Variants in CSMD1 observed in about 807,000 individuals in gnomAD.
CSMD1 encodes CUB and Sushi multiple domains 1.
In CSMD1, 213 loss-of-function variants were observed where a neutral mutation model predicts 417.5. The ratio of observed to expected loss-of-function variants is 0.51; its 90% CI spans 0.46 to 0.57. CSMD1 has a LOEUF of 0.57. CSMD1 is among the 20% of genes least tolerant of loss of function. CSMD1 has a pLI of 0.00. For synonymous variants in CSMD1, 2,862 were observed against 1,736.8 expected, an observed-to-expected ratio of 1.65 and a Z score of -16.11; for missense variants, 6,923 against 4,529.7, an observed-to-expected ratio of 1.53 and a Z score of -15.17.
chr8:3,192,630 G>T (rs10100172), intron 33 of CSMD1, among the ~76,000 whole-genome samples: 47,154 of 152,030 alleles, frequency 0.31, 7,767 homozygotes, highest in Non-Finnish European at 0.39. Context: ...GAGAAGTCCT[G>T]GTGGGCAGCC....
intron 20 of CSMD1, among the ~76,000 whole-genome samples, chr8:3,361,463 C>G (rs1809164037): frequency 6.6e-6 from 1 of 151,470 alleles, no homozygotes; most frequent in Non-Finnish European, 1.5e-5. Flanking sequence ...CCTGTCTTTA[C>G]TAAAAATAAA....
At chr8:4,577,950 A>C (rs545027766) in intron 2 of CSMD1, among the ~76,000 whole-genome samples, 17 of 152,344 alleles carry the variant, frequency 1.1e-4, no homozygotes, top group African/African-American at 4.1e-4. Context: ...ATGGCCAGAG[A>C]AAAATGACAT....
chr8:4,586,498 CTTCTGGATGAGCCACAGCT>C (rs1799706588), intron 2 of CSMD1, among the ~76,000 whole-genome samples: 1 of 152,168 alleles, frequency 6.6e-6, no homozygotes, highest in African/African-American at 2.4e-5. Context: ...CACCTAGTTC[CTTCTGGATGAGCCACAGCT>C]TGGCAATTTT....
intron 4 of CSMD1, among the ~76,000 whole-genome samples, chr8:4,029,862 G>C (rs377134312): frequency 6.6e-6 from 1 of 151,750 alleles, no homozygotes; most frequent in East Asian, 1.9e-4. Flanking sequence ...ACAAGAATTG[G>C]GTAAATACAG....
intron 1 of CSMD1, among the ~76,000 whole-genome samples, chr8:4,834,664 G>C (rs1464137972): frequency 6.6e-6 from 1 of 151,176 alleles, no homozygotes; most frequent in African/African-American, 2.4e-5. Context: ...TGAATTAAAA[G>C]GAAAAAAAAA....
chr8:4,279,139 T>C (rs998915453), intron 3 of CSMD1, among the ~76,000 whole-genome samples: 2 of 152,214 alleles, frequency 1.3e-5, no homozygotes, highest in Admixed American at 1.3e-4. Context: ...CATCTCCGTT[T>C]AGACGTGCAA....
intron 3 of CSMD1, among the ~76,000 whole-genome samples, chr8:4,313,790 C>A (rs141846401): frequency 7.6e-4 from 115 of 151,954 alleles, no homozygotes; most frequent in African/African-American, 2.5e-3. Context: ...CCAAGGCAGG[C>A]GGATCAAAAG....
At chr8:4,112,201 A>G (rs1350263205) in intron 3 of CSMD1, among the ~76,000 whole-genome samples, 2 of 152,094 alleles carry the variant, frequency 1.3e-5, no homozygotes, top group Admixed American at 1.3e-4. Flanking sequence ...ATTATCAAGA[A>G]CCAGTAACAC....
chr8:4,462,575 T>A (rs1799901488), intron 2 of CSMD1, among the ~76,000 whole-genome samples: 1 of 152,206 alleles, frequency 6.6e-6, no homozygotes, highest in East Asian at 1.9e-4. Flanking sequence ...TATTCATACC[T>A]ACCTGATTCA....
chr8:3,751,771 T>G (rs898594167), intron 6 of CSMD1, among the ~76,000 whole-genome samples: 4 of 152,152 alleles, frequency 2.6e-5, no homozygotes, highest in African/African-American at 9.6e-5. Context: ...TTTCTTTCAA[T>G]TACAGATACA....
At chr8:3,138,536 C>T (rs931236092) in intron 41 of CSMD1, among the ~76,000 whole-genome samples, 4 of 152,228 alleles carry the variant, frequency 2.6e-5, no homozygotes, top group Non-Finnish European at 4.4e-5. Context: ...CAAGAAGAAG[C>T]ACATCAGAAT....
intron 2 of CSMD1, among the ~76,000 whole-genome samples, chr8:4,422,449 G>A (rs948308681): frequency 1.3e-5 from 2 of 152,036 alleles, no homozygotes; most frequent in South Asian, 2.1e-4. Context: ...GATCCCATAG[G>A]GTAAGCATAC....
rs565444694 is a variant in CSMD1, at chr8:3,041,441, C to T, written c.7660+11021G>A. Among the ~76,000 whole-genome samples, 51 of 152,176 alleles carry T rather than the reference C, an allele frequency of 3.4e-4. 1 individual carries two copies. Among genetic ancestry groups the T allele is most frequent in the South Asian group, 2.7e-3 (13 of 4,822 alleles). On this transcript the variant is annotated intron_variant, in intron 50 of 69. Coordinates refer to ENST00000635120, the MANE Select transcript of CSMD1 (RefSeq NM_033225.6). Reference sequence around the variant, plus strand: ...AAGGCGCTAACATGAAAATACACACCTTGAAAACCTTTTTCTAGCAACATT... The same window carrying T: ...AAGGCGCTAACATGAAAATACACACTTTGAAAACCTTTTTCTAGCAACATT...
At chr8:3,479,896 G>C (rs377085674) in intron 11 of CSMD1, among the ~76,000 whole-genome samples, 1 of 152,024 alleles carries the variant, frequency 6.6e-6, no homozygotes, top group Admixed American at 6.5e-5. Flanking sequence ...AAAGAAATAA[G>C]TTATAAAAAT....
At chr8:3,986,152 C>T (rs773791469) in intron 5 of CSMD1, among the ~76,000 whole-genome samples, 33 of 152,030 alleles carry the variant, frequency 2.2e-4, no homozygotes, top group Non-Finnish European at 4.1e-4. Flanking sequence ...GAAGGCATCA[C>T]CTTAAAGTCT....
intron 54 of CSMD1, among the ~76,000 whole-genome samples, chr8:2,989,373 G>A (rs1806188149): frequency 6.6e-6 from 1 of 152,124 alleles, no homozygotes. Context: ...AAACAAAATG[G>A]AATAATAGAA....
At chr8:3,851,646 G>A (rs1803914709) in intron 5 of CSMD1, among the ~76,000 whole-genome samples, 1 of 152,022 alleles carries the variant, frequency 6.6e-6, no homozygotes, top group South Asian at 2.1e-4. Flanking sequence ...TTAAGCTTTA[G>A]GTGATAGACA....
At chr8:4,672,384 G>C (rs1040438945) in intron 1 of CSMD1, among the ~76,000 whole-genome samples, 7 of 152,118 alleles carry the variant, frequency 4.6e-5, no homozygotes, top group African/African-American at 1.7e-4. Context: ...CTTAGAGCCT[G>C]TTCACATTCT....
intron 2 of CSMD1, among the ~76,000 whole-genome samples, chr8:4,485,833 T>C (rs574868693): frequency 2.0e-5 from 3 of 152,032 alleles, no homozygotes; most frequent in Admixed American, 1.3e-4. Flanking sequence ...TGTGGCAACA[T>C]ATAAACGCAA....
Sources: gnomAD v4.1 joint callset for allele counts (sites outside exome capture counted in the v4.1 genomes callset) on GRCh38, gnomAD v4.1.1 for gene constraint, MANE v1.5 for transcripts, NCBI Gene and HGNC (gene_info 2026-07-23, HGNC 2026-07-21) for gene names.